Variants in RPRD2 observed in about 807,000 individuals in gnomAD.
The protein encoded by RPRD2 is regulation of nuclear pre-mRNA domain containing 2.
RPRD2 carries 12 observed loss-of-function variants against 104.4 expected under a neutral mutation model. The ratio of observed to expected loss-of-function variants is 0.11; its 90% confidence interval spans 0.07 to 0.19. The LOEUF (loss-of-function observed/expected upper bound fraction) is 0.19. Ranked by LOEUF, RPRD2 falls within the 10% of genes least tolerant of loss-of-function variation. The pLI, the probability that RPRD2 is intolerant of heterozygous loss-of-function variation, is 1.00. For synonymous variants in RPRD2, 714 were observed against 684.9 expected (o/e 1.04, Z -0.66); for missense variants, 1,543 against 1,790.1 (o/e 0.86, Z 2.49).
At chr1:150,418,885 A>C (rs1664562102) in intron 2 of RPRD2, among the ~76,000 whole-genome samples, 1 of 152,028 alleles carries the variant, frequency 6.6e-6, no homozygotes, top group Non-Finnish European at 1.5e-5. Context: ...GGTGGCAGGC[A>C]CCTGTAGTCC....
At chr1:150,395,888 TCTA>T (rs1560166455) in intron 1 of RPRD2, among the ~76,000 whole-genome samples, 1 of 152,206 alleles carries the variant, frequency 6.6e-6, no homozygotes, top group Non-Finnish European at 1.5e-5. Context: ...ACATGGTAGT[TCTA>T]CTTTTAGTTC....
chr1:150,366,717 T>G (rs587737714), intron 1 of RPRD2, among the ~76,000 whole-genome samples: 4 of 152,364 alleles, frequency 2.6e-5, no homozygotes, highest in Admixed American at 2.6e-4. Flanking sequence ...TGTAAAATAA[T>G]GTTTAACGTT....
At chr1:150,443,368 T>C (rs1264390935) in intron 5 of RPRD2, 85 bp downstream of exon 5, 1 of 989,012 alleles carries the variant, frequency 1.0e-6, no homozygotes, top group Non-Finnish European at 1.5e-6. Flanking sequence ...ATAAGATTTA[T>C]CTGTATTCAA....
chr1:150,453,333 A>C (rs1258779860), intron 7 of RPRD2, among the ~76,000 whole-genome samples: 2 of 152,082 alleles, frequency 1.3e-5, no homozygotes, highest in East Asian at 3.9e-4. Context: ...GCCTGGCCTC[A>C]GTGTTTTTAC....
intron 1 of RPRD2, among the ~76,000 whole-genome samples, chr1:150,387,566 CCTTTTTTTTTTT>C (rs1661665810): frequency 4.7e-4 from 33 of 70,132 alleles, no homozygotes; most frequent in Non-Finnish European, 7.6e-4. Context: ...TTGCAACAGA[CCTTTTTTTTTTT>C]TTTTTTTTTT....
intron 1 of RPRD2, among the ~76,000 whole-genome samples, chr1:150,384,468 T>C (rs921034209): frequency 1.6e-4 from 21 of 134,246 alleles, no homozygotes; most frequent in Non-Finnish European, 1.8e-4. Context: ...TTATTATTAT[T>C]ATTATTATTA....
chr1:150,472,143 C>G lies in RPRD2; in HGVS notation c.3195C>G (p.Thr1065=). 3 of 1,613,822 alleles carry G rather than the reference C, an allele frequency of 1.9e-6. No individual in the cohort carries two copies. The South Asian group carries it at 3.3e-5, about 18-fold the overall frequency. The change falls in exon 11 of 11, where the codon ACC becomes ACG. Residue 1065 remains threonine (T), a synonymous_variant. Coordinates refer to ENST00000369068, the MANE Select transcript of RPRD2 (RefSeq NM_015203.5). ...QQQEEHYRIE[T]RVSSSCLDLP... ...AAGAAGAGCACTACCGCATAGAAAC[C>G]CGCGTCTCCTCCTCCTGCTTAGACT...
chr1:150,443,195 C>T (rs989456641), intron 4 of RPRD2, 36 bp from the exon 5 acceptor site: 1 of 1,530,524 alleles, frequency 6.5e-7, no homozygotes, highest in Non-Finnish European at 8.9e-7. Context: ...CTTTTTGTGT[C>T]TGTATTCTTA....
intron 10 of RPRD2, among the ~76,000 whole-genome samples, chr1:150,468,514 T>C (rs587642830): frequency 2.0e-5 from 3 of 152,324 alleles, no homozygotes; most frequent in East Asian, 1.9e-4. Context: ...CTAAAAATCA[T>C]ATTACATTAT....
At chr1:150,369,183 T>C (rs1047633097) in intron 1 of RPRD2, among the ~76,000 whole-genome samples, 3 of 152,234 alleles carry the variant, frequency 2.0e-5, no homozygotes, top group Admixed American at 6.5e-5. Context: ...ATTTATAATT[T>C]AGTGAAAGAA....
chr1:150,397,012 C>T (rs782112717), intron 1 of RPRD2, among the ~76,000 whole-genome samples: 2 of 152,038 alleles, frequency 1.3e-5, no homozygotes, highest in South Asian at 2.1e-4. Context: ...CTTGCTCTGT[C>T]GCCCAGGCTG....
At chr1:150,460,390 G>T (rs1408522288) in intron 9 of RPRD2, 73 bp downstream of exon 9, 5 of 1,394,628 alleles carry the variant, frequency 3.6e-6, no homozygotes, top group Non-Finnish European at 4.8e-6. Flanking sequence ...TCTGTTTTTG[G>T]GGGGGTTGTT....
chr1:150,379,602 A>G (rs1660981434), intron 1 of RPRD2, among the ~76,000 whole-genome samples: 1 of 152,070 alleles, frequency 6.6e-6, no homozygotes, highest in Admixed American at 6.5e-5. Flanking sequence ...GGGTTTCTCC[A>G]TGTTGGTCAG....
chr1:150,415,284 A>T (rs1664250772), intron 1 of RPRD2, among the ~76,000 whole-genome samples: 1 of 152,022 alleles, frequency 6.6e-6, no homozygotes, highest in Non-Finnish European at 1.5e-5. Context: ...GTGAGCCGAG[A>T]TTGTGCCATT....
At chr1:150,381,661 C>T (rs1263712498) in intron 1 of RPRD2, among the ~76,000 whole-genome samples, 2 of 151,934 alleles carry the variant, frequency 1.3e-5, no homozygotes, top group East Asian at 1.9e-4. Context: ...CCCACCACTG[C>T]GCCTGGCTAA....
chr1:150,416,464 G>A (rs1383985319), intron 1 of RPRD2, among the ~76,000 whole-genome samples: 2 of 151,976 alleles, frequency 1.3e-5, no homozygotes, highest in African/African-American at 4.8e-5. Flanking sequence ...AAGAAAACAT[G>A]GTAGATCATC....
chr1:150,381,243 T>C (rs1443999073), intron 1 of RPRD2, among the ~76,000 whole-genome samples: 2 of 146,518 alleles, frequency 1.4e-5, no homozygotes, highest in Non-Finnish European at 3.0e-5. Context: ...GGCAACATAG[T>C]GAGACCCCCA....
intron 8 of RPRD2, 57 bp downstream of exon 8, chr1:150,457,627 C>A: frequency 2.9e-6 from 4 of 1,378,968 alleles, no homozygotes; most frequent in Non-Finnish European, 4.1e-6. Context: ...GCCTTCTCAG[C>A]AATGAATACA....
chr1:150,370,031 C>T (rs1660183401), intron 1 of RPRD2, among the ~76,000 whole-genome samples: 1 of 152,092 alleles, frequency 6.6e-6, no homozygotes. Context: ...ATTCGCCCAC[C>T]TCAGCCTCCC....
Sources: gnomAD v4.1 joint callset for allele counts (sites outside exome capture counted in the v4.1 genomes callset) on GRCh38, gnomAD v4.1.1 for gene constraint, MANE v1.5 for transcripts, NCBI Gene and HGNC (gene_info 2026-07-23, HGNC 2026-07-21) for gene names.